CCDC126: variants seen among roughly 807,000 people sequenced by gnomAD.
The protein encoded by CCDC126 is coiled-coil domain containing 126.
A neutral mutation model predicts 11.7 loss-of-function variants in CCDC126; 5 were observed. The ratio of observed to expected loss-of-function variants is 0.43; its 90% CI spans 0.22 to 0.90. The LOEUF is 0.90. CCDC126 is among the 40% of genes least tolerant of loss of function. The pLI, the probability that CCDC126 is intolerant of heterozygous loss-of-function variation, is 0.27. For missense variants in CCDC126, 150 were observed against 163.1 expected, an observed-to-expected ratio of 0.92 and a Z score of 0.44; for synonymous variants, 60 against 61.9, an observed-to-expected ratio of 0.97 and a Z score of 0.14.
chr7:23,638,746 A>C (rs75925666), intron 3 of CCDC126, among the ~76,000 whole-genome samples: 50 of 117,006 alleles, frequency 4.3e-4, no homozygotes, highest in African/African-American at 8.9e-4. Flanking sequence ...AAAAAAAAAA[A>C]CCAAAAAGAT....
At chr7:23,615,865 C>T (rs188591646) in intron 3 of CCDC126, among the ~76,000 whole-genome samples, 1 of 152,282 alleles carries the variant, frequency 6.6e-6, no homozygotes, top group Admixed American at 6.5e-5. Flanking sequence ...TCAGCAATTG[C>T]TGATCAGCTC....
At chr7:23,623,531 G>A (rs1030218672) in intron 3 of CCDC126, among the ~76,000 whole-genome samples, 3 of 151,374 alleles carry the variant, frequency 2.0e-5, no homozygotes, top group African/African-American at 7.3e-5. Context: ...AGAAGGCAGA[G>A]GTTGTGGTGG....
chr7:23,638,863 C>CAAAAAAAAA (rs61374394), intron 3 of CCDC126, among the ~76,000 whole-genome samples: 1 of 108,574 alleles, frequency 9.2e-6, no homozygotes, highest in Non-Finnish European at 1.8e-5. Context: ...AATAAATTAA[C>CAAAAAAAAA]AAAAAAAAAA....
intron 2 of CCDC126, among the ~76,000 whole-genome samples, chr7:23,600,387 C>A (rs866579273): frequency 4.3e-5 from 6 of 140,904 alleles, no homozygotes; most frequent in African/African-American, 1.3e-4. Flanking sequence ...CCCCCCCCCC[C>A]ACCACCATAT....
chr7:23,630,470 C>G lies in CCDC126; in HGVS notation c.239-12461C>G, dbSNP rs534373735. On this transcript the variant is annotated intron_variant, in intron 3 of 3. Coordinates refer to ENST00000307471, the MANE Select transcript of CCDC126 (RefSeq NM_138771.4). ...CCGAGATTGTGCCACTGCATTCCAG[C>G]CTGGGTGACAAAGTGAGACTGTTTC... Among the ~76,000 whole-genome samples, 3 of 150,468 alleles carry G rather than the reference C, an allele frequency of 2.0e-5. No individual in the cohort carries two copies. In the South Asian group the frequency reaches 6.3e-4, roughly 31 times the overall value.
intron 2 of CCDC126, chr7:23,598,579 CTAAG>C (rs545357553): frequency 6.6e-6 from 1 of 152,224 alleles, no homozygotes; most frequent in Non-Finnish European, 1.5e-5. Context: ...CTTAGAGGCG[CTAAG>C]TGTTTGTTTC....
intron 3 of CCDC126, among the ~76,000 whole-genome samples, chr7:23,623,758 T>C (rs1379993592): frequency 6.6e-6 from 1 of 152,192 alleles, no homozygotes; most frequent in East Asian, 1.9e-4. Context: ...AGAAATATAT[T>C]TGAAGTATTG....
intron 3 of CCDC126, among the ~76,000 whole-genome samples, chr7:23,624,889 C>T (rs1321797099): frequency 6.6e-6 from 1 of 152,152 alleles, no homozygotes; most frequent in Admixed American, 6.5e-5. Context: ...CTTGCCCAGG[C>T]AGGAGTGTAG....
chr7:23,641,629 C>T (rs1783357614), intron 3 of CCDC126, among the ~76,000 whole-genome samples: 1 of 152,124 alleles, frequency 6.6e-6, no homozygotes, highest in South Asian at 2.1e-4. Context: ...GGCTTGGGCT[C>T]ATTTTTTGGT....
At chr7:23,641,668 T>C (rs1055042868) in intron 3 of CCDC126, among the ~76,000 whole-genome samples, 1 of 152,184 alleles carries the variant, frequency 6.6e-6, no homozygotes, top group African/African-American at 2.4e-5. Flanking sequence ...ACAGTATTCG[T>C]TGTCACTAAC....
chr7:23,642,805 T>C (rs1247097721), intron 3 of CCDC126, 126 bp from the exon 4 acceptor site: 3 of 701,700 alleles, frequency 4.3e-6, no homozygotes, highest in South Asian at 4.2e-5. Context: ...GTAGTATGAG[T>C]GCATTCTCTC....
intron 2 of CCDC126, among the ~76,000 whole-genome samples, chr7:23,606,462 T>A (rs1480778815): frequency 6.6e-6 from 1 of 152,154 alleles, no homozygotes; most frequent in East Asian, 1.9e-4. Context: ...GGAAGAATAT[T>A]TGACTGCTCT....
At chr7:23,598,115 C>T (rs932038231) in intron 2 of CCDC126, 64 bp downstream of exon 2, 6 of 152,256 alleles carry the variant, frequency 3.9e-5, no homozygotes, top group African/African-American at 1.4e-4. Flanking sequence ...ATGGCTCAGC[C>T]AGCTAGGGTT....
rs181920536 is a variant in CCDC126 at position 23,609,462 on chromosome 7, T to A, written c.-145-1709T>A. Among the ~76,000 whole-genome samples, 71 of 151,694 alleles carry A rather than the reference T, an allele frequency of 4.7e-4. 1 individual carries two copies. The highest frequency in any genetic ancestry group is 1.6e-3 in the African/African-American group (67 of 41,424). On this transcript the variant is annotated intron_variant, in intron 2 of 3. Transcript: ENST00000307471. ...CTGGGATTACAGGTGTGAGCCACCA[T>A]GCCTGGACAATTTCTAATTTTGTAG...
chr7:23,600,339 C>T (rs560894461), intron 2 of CCDC126, among the ~76,000 whole-genome samples: 2 of 151,084 alleles, frequency 1.3e-5, no homozygotes, highest in South Asian at 2.1e-4. Flanking sequence ...AAATCTTAGA[C>T]CTTATTATGG....
chr7:23,639,460 C>T (rs528888996), intron 3 of CCDC126, among the ~76,000 whole-genome samples: 13 of 152,226 alleles, frequency 8.5e-5, no homozygotes, highest in African/African-American at 2.4e-4. Flanking sequence ...CTGCCTCGGC[C>T]GCCCAAAGTG....
chr7:23,612,165 A>AG (rs1488640733), intron 3 of CCDC126, among the ~76,000 whole-genome samples: 3 of 149,596 alleles, frequency 2.0e-5, no homozygotes, highest in Admixed American at 6.7e-5. Flanking sequence ...AAAAAAAAAA[A>AG]TGTATCTTGG....
chr7:23,601,461 G>A (rs1194058561), intron 2 of CCDC126, among the ~76,000 whole-genome samples: 1 of 152,180 alleles, frequency 6.6e-6, no homozygotes, highest in African/African-American at 2.4e-5. Flanking sequence ...AACAAAATTG[G>A]TAGTGTGTAC....
intron 2 of CCDC126, chr7:23,598,625 C>G (rs1450217990): frequency 6.6e-6 from 1 of 152,230 alleles, no homozygotes; most frequent in East Asian, 1.9e-4. Flanking sequence ...TTTTACAGTC[C>G]TGCCTCTGGG....
Sources: gnomAD v4.1 joint callset for allele counts (sites outside exome capture counted in the v4.1 genomes callset) on GRCh38, gnomAD v4.1.1 for gene constraint, MANE v1.5 for transcripts, NCBI Gene and HGNC (gene_info 2026-07-23, HGNC 2026-07-21) for gene names.